The following FRMPD4 variants were observed in gnomAD, a reference collection of about 807,000 sequenced individuals.
The protein encoded by FRMPD4 is FERM and PDZ domain-containing protein 4.
Under a neutral mutation model 94.1 loss-of-function variants are expected in FRMPD4, and 22 were observed. That is an observed-to-expected ratio of 0.23 (90% CI 0.17 to 0.33). The LOEUF (loss-of-function observed/expected upper bound fraction) is 0.33. FRMPD4 is among the 10% of genes least tolerant of loss of function. FRMPD4 has a pLI of 1.00. For synonymous variants in FRMPD4, 631 were observed against 548.6 expected (o/e 1.15, Z -2.10); for missense variants, 1,111 against 1,339.9 (o/e 0.83, Z 2.67).
chrX:12,420,680 C>T (rs747146049), intron 1 of FRMPD4, among the ~76,000 whole-genome samples: 8 of 112,102 alleles, frequency 7.1e-5, no homozygotes, highest in Admixed American at 2.8e-4. Flanking sequence ...CAACACCGGT[C>T]GTTGATATTC....
At chrX:12,594,642 A>G (rs1336193382) in intron 2 of FRMPD4, among the ~76,000 whole-genome samples, 14 of 110,155 alleles carry the variant, frequency 1.3e-4, no homozygotes, top group African/African-American at 4.3e-4. Context: ...TCACCGCGTT[A>G]GCCAGGATGG....
chrX:12,431,547 G>A (rs2057009791), intron 1 of FRMPD4, among the ~76,000 whole-genome samples: 1 of 111,747 alleles, frequency 8.9e-6, no homozygotes. Context: ...AACCCAGTAG[G>A]TAAATAGAAA....
intron 1 of FRMPD4, among the ~76,000 whole-genome samples, chrX:12,295,111 G>A (rs191014080): frequency 8.9e-6 from 1 of 111,975 alleles, no homozygotes; most frequent in African/African-American, 3.2e-5. Context: ...TATGAGACAA[G>A]CCAAATAATA....
At chrX:12,411,282 C>T (rs1047135369) in intron 1 of FRMPD4, among the ~76,000 whole-genome samples, 2 of 111,900 alleles carry the variant, frequency 1.8e-5, no homozygotes, top group African/African-American at 3.2e-5. Flanking sequence ...TCTTAGGTCC[C>T]GAAAGCATTT....
At chrX:12,299,293 AAGGAGG>A (rs60479551) in intron 1 of FRMPD4, among the ~76,000 whole-genome samples, 7 of 109,012 alleles carry the variant, frequency 6.4e-5, no homozygotes, top group African/African-American at 1.0e-4. Context: ...GGAGGAGGTA[AAGGAGG>A]AGGAGGAGGA....
Position 12,335,812 on chromosome X carries a change from T to C in FRMPD4, c.42-162868T>C, listed in dbSNP as rs750932496. Among the ~76,000 whole-genome samples the C allele has an allele frequency of 4.4e-5, 5 of 112,517 alleles. No homozygotes were observed. In the South Asian group the frequency reaches 1.1e-3, roughly 25 times the overall value. On this transcript the variant is annotated intron_variant, in intron 1 of 16. Transcript: ENST00000675598. Reference sequence around the variant, plus strand: ...TTATGCCTTTCCCCAAGCAAAGGTATGGTCCTCTTGCAAGGAGGAACTGCT... The same window carrying C: ...TTATGCCTTTCCCCAAGCAAAGGTACGGTCCTCTTGCAAGGAGGAACTGCT...
intron 4 of FRMPD4, among the ~76,000 whole-genome samples, chrX:12,661,743 C>A (rs1468616953): frequency 8.9e-6 from 1 of 111,938 alleles, no homozygotes; most frequent in African/African-American, 3.2e-5. Context: ...CCACTCTCTC[C>A]AGCTAATGGC....
At chrX:12,517,928 G>T (rs745608112) in intron 2 of FRMPD4, among the ~76,000 whole-genome samples, 3 of 112,428 alleles carry the variant, frequency 2.7e-5, no homozygotes, top group Non-Finnish European at 5.6e-5. Context: ...CTACAGGTAG[G>T]CCCCGCCCGG....
intron 2 of FRMPD4, among the ~76,000 whole-genome samples, chrX:12,555,095 CTTTTT>C (rs1396713751): frequency 3.6e-5 from 4 of 111,096 alleles, no homozygotes; most frequent in Admixed American, 9.5e-5. Flanking sequence ...CTTCCCTTTT[CTTTTT>C]GTTACTTTTC....
chrX:11,848,510 GT>G lies in FRMPD4; in HGVS notation c.-160-16563del, dbSNP rs772468306. Among the ~76,000 whole-genome samples, 126 of 99,049 alleles carry G rather than the reference GT, an allele frequency of 1.3e-3. 1 individual carries two copies. The highest frequency in any genetic ancestry group is 3.6e-3 in the South Asian group (8 of 2,246). 86.0% of individuals were successfully genotyped at this position (99,049 alleles called of 115,157 possible). ...CATTTTTAAGTCTTCCCCAGCCTGTGTTTTTTTTTTTTTCATTAGGTCCTCT... is the reference window on the plus strand; with the variant it reads ...CATTTTTAAGTCTTCCCCAGCCTGTGTTTTTTTTTTTTCATTAGGTCCTCT... On this transcript the variant is annotated intron_variant, in intron 1 of 18. Transcript: ENST00000640291.
intron 1 of FRMPD4, among the ~76,000 whole-genome samples, chrX:12,383,871 G>A (rs1272702286): frequency 9.0e-6 from 1 of 111,637 alleles, no homozygotes; most frequent in Non-Finnish European, 1.9e-5. Context: ...ACGGAGCCTC[G>A]TGTCATGGAA....
intron 2 of FRMPD4, among the ~76,000 whole-genome samples, chrX:12,579,685 A>C (rs752970884): frequency 8.9e-6 from 1 of 112,211 alleles, no homozygotes; most frequent in South Asian, 3.7e-4. Context: ...TTCTTGATTC[A>C]TCAGAAGCTG....
In FRMPD4 at chrX:12,557,668, C is replaced by T. The variant is rs2058610432; in HGVS notation, c.159-52053C>T. 3.6e-5 allele frequency among the ~76,000 whole-genome samples: 4 copies of T among 111,846 alleles called. No individual in the cohort carries two copies. In the South Asian group the frequency reaches 1.5e-3, roughly 42 times the overall value. ...AAAGTTTAAAATCAACTGAACATTT[C>T]CAGGAAATTCTCCAGTCCTATCTCC... On this transcript the variant is annotated intron_variant, in intron 2 of 16. Coordinates refer to ENST00000675598, the MANE Select transcript of FRMPD4 (RefSeq NM_001368397.1).
intron 2 of FRMPD4, among the ~76,000 whole-genome samples, chrX:12,505,535 C>T (rs1376637258): frequency 9.1e-6 from 1 of 110,339 alleles, no homozygotes; most frequent in African/African-American, 3.3e-5. Flanking sequence ...GGAGACCAGC[C>T]TGACCAACAT....
intron 1 of FRMPD4, among the ~76,000 whole-genome samples, chrX:12,156,906 A>G (rs1321479267): frequency 1.8e-5 from 2 of 111,264 alleles, no homozygotes; most frequent in South Asian, 3.7e-4. Context: ...TGTTTTTTCC[A>G]TATCTACAGC....
intron 3 of FRMPD4, among the ~76,000 whole-genome samples, chrX:11,929,307 G>A (rs2054107542): frequency 8.9e-6 from 1 of 111,806 alleles, no homozygotes; most frequent in Non-Finnish European, 1.9e-5. Context: ...ATGTCACAGG[G>A]GAGGCTTAGA....
chrX:12,136,892 C>CAT (rs2055602958), upstream of FRMPD4, among the ~76,000 whole-genome samples: 1 of 75,743 alleles, frequency 1.3e-5, no homozygotes, highest in South Asian at 6.0e-4. Context: ...TACGTTAAAA[C>CAT]ACACACACAC....
intron 3 of FRMPD4, among the ~76,000 whole-genome samples, chrX:12,073,118 T>TGA (rs1462836538): frequency 2.7e-5 from 3 of 111,557 alleles, no homozygotes; most frequent in African/African-American, 9.8e-5. Context: ...ATTGTATAAA[T>TGA]ATACGGCAGT....
intron 3 of FRMPD4, among the ~76,000 whole-genome samples, chrX:12,025,308 G>C (rs1188116572): frequency 9.3e-6 from 1 of 107,964 alleles, no homozygotes; most frequent in Non-Finnish European, 1.9e-5. Flanking sequence ...TCCCCTCTAA[G>C]CTCCAGACTC....
Sources: gnomAD v4.1 joint callset for allele counts (sites outside exome capture counted in the v4.1 genomes callset) on GRCh38, gnomAD v4.1.1 for gene constraint, MANE v1.5 for transcripts, NCBI Gene and HGNC (gene_info 2026-07-23, HGNC 2026-07-21) for gene names.